GBP2: variants seen among roughly 807,000 people sequenced by gnomAD.
GBP2 encodes guanylate binding protein 2.
In GBP2, 54 loss-of-function variants were observed where a neutral mutation model predicts 60.8. The ratio of observed to expected loss-of-function variants is 0.89; its 90% CI spans 0.71 to 1.11. GBP2 has a LOEUF of 1.11. GBP2 is among the 50% of genes most tolerant of loss of function. The probability of loss-of-function intolerance (pLI) is 0.00; values close to 1 mark genes in which losing one functional copy is unlikely to be tolerated. For synonymous variants in GBP2, 243 were observed against 256.5 expected (o/e 0.95, Z 0.50); for missense variants, 665 against 703.3 (o/e 0.95, Z 0.62).
At chr1:89,121,429 A>G (rs1010689288) in intron 2 of GBP2, among the ~76,000 whole-genome samples, 159 bp from the exon 3 acceptor site, 2 of 152,274 alleles carry the variant, frequency 1.3e-5, no homozygotes, top group African/African-American at 2.4e-5. Context: ...TAGATATTTA[A>G]TACACACTGA....
At chr1:89,117,509 A>C in intron 5 of GBP2, 68 bp downstream of exon 5, 2 of 1,345,784 alleles carry the variant, frequency 1.5e-6, no homozygotes, top group South Asian at 2.5e-5. Flanking sequence ...TTAGCACTGC[A>C]CAGAAATGGT....
chr1:89,122,118 C>A, intron 1 of GBP2, 135 bp from the exon 2 acceptor site: 1 of 527,478 alleles, frequency 1.9e-6, no homozygotes, highest in Non-Finnish European at 3.2e-6. Flanking sequence ...AGCCTGGTTT[C>A]TCTTTAAGGC....
In GBP2 at chr1:89,112,518, T is replaced by C. The variant is rs1313309528; in HGVS notation, c.1316A>G (p.Gln439Arg). The C allele has an allele frequency of 6.2e-7, 1 of 1,614,088 alleles. No homozygotes were observed. The highest frequency in any genetic ancestry group is 8.5e-7 in the Non-Finnish European group (1 of 1,180,044). ...CTGGTAGTACTTATTCTTCAGCTCC[T>C]GCAGCTTCTGAGTAAAGAGACGGTA... Reference protein sequence around the residue: ...GGYRLFTQKLQELKNKYYQVP... With the variant: ...GGYRLFTQKLRELKNKYYQVP... The change falls in exon 8 of 11, where the codon CAG becomes CGG. Residue 439 changes from glutamine (Q) to arginine (R), a missense_variant. Gln to Arg is a conservative substitution (Grantham distance 43). Transcript: ENST00000370466.
At chr1:89,115,661 T>C (rs985145917) in intron 6 of GBP2, among the ~76,000 whole-genome samples, 3 of 152,224 alleles carry the variant, frequency 2.0e-5, no homozygotes, top group African/African-American at 7.2e-5. Flanking sequence ...GTGCAGGGCA[T>C]GATCATAGCT....
chr1:89,119,830 G>A (rs113719162), intron 4 of GBP2: 4 of 222,548 alleles, frequency 1.8e-5, no homozygotes, highest in African/African-American at 4.7e-5. Context: ...GTATAGCTAG[G>A]TATCATTTAG....
At chr1:89,110,825 G>A (rs1681150370) in intron 8 of GBP2, among the ~76,000 whole-genome samples, 1 of 152,022 alleles carries the variant, frequency 6.6e-6, no homozygotes, top group Admixed American at 6.6e-5. Context: ...AACACCACCT[G>A]CTCCCCCCAA....
At position 89,120,218 on chromosome 1, in the gene GBP2, C is replaced by T. The variant is rs1213891814; in HGVS notation, c.389G>A (p.Ser130Asn). 8 of 1,613,990 alleles carry T rather than the reference C, an allele frequency of 5.0e-6. No homozygotes were observed. Among genetic ancestry groups the T allele is most frequent in the Non-Finnish European group, 6.8e-6 (8 of 1,179,912 alleles). The change falls in exon 4 of 11, where the codon AGC becomes AAC. Residue 130 changes from serine (S) to asparagine (N), a missense_variant. Physicochemically the swap from Ser to Asn is conservative, Grantham distance 46. Coordinates refer to ENST00000370466, the MANE Select transcript of GBP2 (RefSeq NM_004120.5). The stretch of plus-strand genomic sequence containing the variant: ...GGCCTGCTGGTTGATGGTTCCCATG[C>T]TATTGTACACGAAGGTGCTGCTCAG... ...ILLSSTFVYN[S>N]MGTINQQAMD...
In GBP2 at chr1:89,107,595, G is replaced by C. The variant is rs1385312047; in HGVS notation, c.*580C>G. Among the ~76,000 whole-genome samples, 1 of 152,118 alleles carries C rather than the reference G, an allele frequency of 6.6e-6. No individual in the cohort carries two copies. The highest frequency in any genetic ancestry group is 1.9e-4 in the East Asian group (1 of 5,192). The stretch of plus-strand genomic sequence containing the variant: ...CAGCCTCCACCCAAATGAGAACTGT[G>C]CACTGTCTGTACTTTAAAAGCCTAG... On this transcript the variant is annotated 3_prime_UTR_variant, in exon 11 of 11. Transcript: ENST00000370466.
intron 5 of GBP2, 100 bp downstream of exon 5, chr1:89,117,477 A>T (rs1388137559): frequency 2.6e-6 from 3 of 1,144,772 alleles, no homozygotes; most frequent in East Asian, 4.7e-5. Flanking sequence ...AGTCAGAAAA[A>T]TACAGTTAAA....
At chr1:89,112,370 G>C in intron 8 of GBP2, 102 bp downstream of exon 8, 2 of 878,254 alleles carry the variant, frequency 2.3e-6, no homozygotes, top group South Asian at 3.2e-5. Flanking sequence ...GAAAGGCAGA[G>C]GCCCTAGGCA....
At chr1:89,120,349 A>AGTCTTCAGC in intron 3 of GBP2, 61 bp from the exon 4 acceptor site, 1 of 1,326,680 alleles carries the variant, frequency 7.5e-7, no homozygotes, top group Non-Finnish European at 1.1e-6. Flanking sequence ...ATCAATTCAG[A>AGTCTTCAGC]TAGCTGAAGA....
In GBP2 at chr1:89,117,484, TA is replaced by T. The variant is rs1479141468; in HGVS notation, c.625+92del. On this transcript the variant is annotated intron_variant, in intron 5 of 10. Transcript: ENST00000370466. ...AGCAGAACAGTCAGAAAAATACAGT[TA>T]AAAATTATAATTTTTAGCACTGCAC... 3.3e-5 allele frequency: 39 copies of T among 1,195,138 alleles called. No individual in the cohort carries two copies. The East Asian group carries it at 4.5e-4, about 14-fold the overall frequency. The allele number at this position is 1,195,138 out of a possible 1,614,324, so 74.0% of individuals were successfully genotyped here. A position where few individuals can be genotyped will look rare whatever the true frequency, so the allele number is the denominator to read the frequency against.
intron 6 of GBP2, among the ~76,000 whole-genome samples, chr1:89,116,758 A>G (rs1413472218): frequency 6.6e-6 from 1 of 151,864 alleles, no homozygotes; most frequent in East Asian, 1.9e-4. Flanking sequence ...AGTTTACCAT[A>G]ATAGAATTCA....
rs1296892569 is a variant in GBP2, at chr1:89,112,615, C to T, written c.1219G>A (p.Ala407Thr). The T allele has an allele frequency of 6.2e-7, 1 of 1,614,164 alleles. No individual in the cohort carries two copies. ...GGGCCAAATATATCCTGAAGTAAAG[C>T]CATGCAACAATCTGATGATGCTTTG... is the stretch of plus-strand genomic sequence containing the variant. Reference protein sequence around the residue: ...NSKASSDCCMALLQDIFGPLE... With the variant: ...NSKASSDCCMTLLQDIFGPLE... The change falls in exon 8 of 11, where the codon GCT (alanine) becomes ACT (threonine). Residue 407 changes from alanine (A) to threonine (T), a missense_variant. Transcript: ENST00000370466.
rs757933226 is a variant in GBP2 at position 89,112,609 on chromosome 1, G to A, written c.1225C>T (p.Leu409Phe). ...KASSDCCMAL[L>F]QDIFGPLEED... ...TCTAAAGGGCCAAATATATCCTGAA[G>A]TAAAGCCATGCAACAATCTGATGAT... Residue 409 changes from leucine (L) to phenylalanine (F), a missense_variant, in exon 8 of 11, where the codon CTT (leucine) becomes TTT (phenylalanine). Leu to Phe is a conservative substitution (Grantham distance 22). Transcript: ENST00000370466. 4.3e-6 allele frequency: 7 copies of A among 1,614,042 alleles called. No homozygotes were observed. The African/African-American group carries it at 6.7e-5, about 15-fold the overall frequency.
At chr1:89,121,660 G>T in intron 2 of GBP2, 117 bp downstream of exon 2, 1 of 1,087,488 alleles carries the variant, frequency 9.2e-7, no homozygotes, top group Non-Finnish European at 1.3e-6. Context: ...CCCATTAATG[G>T]ACTGAAAGTT....
intron 1 of GBP2, 21 bp from the exon 2 acceptor site, chr1:89,122,004 T>A: frequency 6.5e-7 from 1 of 1,545,426 alleles, no homozygotes; most frequent in Non-Finnish European, 8.8e-7. Flanking sequence ...AGGAAAAAGA[T>A]GAAATGGAAA....
At chr1:89,117,394 A>T (rs1229713031) in intron 5 of GBP2, among the ~76,000 whole-genome samples, 160 bp from the exon 6 acceptor site, 1 of 152,210 alleles carries the variant, frequency 6.6e-6, no homozygotes, top group African/African-American at 2.4e-5. Context: ...CTCCAAGAAG[A>T]GGTAGGTAAT....
In GBP2 at chr1:89,117,125, A is replaced by G. The variant is rs1681290577; in HGVS notation, c.735T>C (p.Leu245=). 6.2e-7 allele frequency: 1 copy of G among 1,614,070 alleles called. No homozygotes were observed. The highest frequency in any genetic ancestry group is 8.5e-7 in the Non-Finnish European group (1 of 1,180,028). The change falls in exon 6 of 11, where the codon CTT becomes CTC. Residue 245 remains leucine (L), a synonymous_variant. Transcript: ENST00000370466. ...VFDWPAPKKY[L]AHLEQLKEEE... ...CCTCCTTTAGCTGCTCTAGGTGAGC[A>G]AGGTACTTCTTAGGAGCGGGCCAAT...
Sources: gnomAD v4.1 joint callset for allele counts (sites outside exome capture counted in the v4.1 genomes callset) on GRCh38, gnomAD v4.1.1 for gene constraint, MANE v1.5 for transcripts, NCBI Gene and HGNC (gene_info 2026-07-23, HGNC 2026-07-21) for gene names.